PEAR1: variants seen among roughly 807,000 people sequenced by gnomAD.
PEAR1 encodes multiple EGF-like domains protein 12.
In PEAR1, 113 loss-of-function variants were observed where a neutral mutation model predicts 131.2. The observed-to-expected ratio is 0.86, with a 90% confidence interval of 0.74 to 1.01. PEAR1 has a LOEUF of 1.01. PEAR1 is among the 50% of genes least tolerant of loss of function. The probability of loss-of-function intolerance (pLI) is 0.00; values close to 1 mark genes in which losing one functional copy is unlikely to be tolerated. For missense variants in PEAR1, 1,408 were observed against 1,391.1 expected, an observed-to-expected ratio of 1.01 and a Z score of -0.19; for synonymous variants, 565 against 523.3, an observed-to-expected ratio of 1.08 and a Z score of -1.09.
In PEAR1 at chr1:156,913,205, A is replaced by T. The variant is rs1324242614; in HGVS notation, c.2434A>T (p.Ser812Cys). The T allele has an allele frequency of 6.2e-7, 1 of 1,613,618 alleles. No individual in the cohort carries two copies. Among genetic ancestry groups the T allele is most frequent in the East Asian group, 2.2e-5 (1 of 44,876 alleles). ...TGTCTGTCATGCAGATGTCCCTCCG[A>T]GCTACAGTCACTACTACTCCAACCC... ...SEYVMPDVPPSYSHYYSNPSY... is the reference protein window; with the variant it reads ...SEYVMPDVPPCYSHYYSNPSY... The change falls in exon 19 of 23, where the codon AGC (serine) becomes TGC (cysteine). Residue 812 changes from serine (S) to cysteine (C), a missense_variant. Ser to Cys is a moderately radical substitution (Grantham distance 112, BLOSUM62 -1). Transcript: ENST00000292357.
intron 1 of PEAR1, among the ~76,000 whole-genome samples, chr1:156,898,924 GA>G (rs1386484923): frequency 6.6e-6 from 1 of 152,204 alleles, no homozygotes; most frequent in African/African-American, 2.4e-5. Context: ...AGGGGATGGG[GA>G]AAGGCAGATA....
rs150955734 is a variant in PEAR1 at position 156,912,835 on chromosome 1, A to G, written c.2275A>G (p.Ile759Val). 4.6e-5 allele frequency: 75 copies of G among 1,614,200 alleles called. No homozygotes were observed. In the African/African-American group the frequency reaches 9.2e-4, roughly 20 times the overall value. The change falls in exon 18 of 23, where the codon ATT (isoleucine) becomes GTT (valine). Residue 759 changes from isoleucine (I) to valine (V), a missense_variant. Coordinates refer to ENST00000292357, the MANE Select transcript of PEAR1 (RefSeq NM_001080471.3). ...AGCGTATAACTCGCTGGGTGCAGTG[A>G]TTGGCATTGCAGTGCTGGGGTCCCT... ...PVAYNSLGAV[I>V]GIAVLGSLVV...
In PEAR1 at chr1:156,909,131, C is replaced by A. The variant is rs1436151452; in HGVS notation, c.1411+95C>A. On this transcript the variant is annotated intron_variant, in intron 11 of 22. Coordinates refer to ENST00000292357, the MANE Select transcript of PEAR1 (RefSeq NM_001080471.3). ...TATGGGTGGGCCAAGGGCAGGGGAG[C>A]GGCTGCAGGGTAAGGGTGGAGGGGC... 3.9e-6 allele frequency: 6 copies of A among 1,533,702 alleles called. No homozygotes were observed. In the African/African-American group the frequency reaches 4.1e-5, roughly 10 times the overall value.
chr1:156,896,510 G>T (rs138121411), intron 1 of PEAR1, among the ~76,000 whole-genome samples: 1 of 152,366 alleles, frequency 6.6e-6, no homozygotes, highest in Non-Finnish European at 1.5e-5. Context: ...GTTGGGACTG[G>T]CACTGGCGAC....
Position 156,907,632 on chromosome 1 carries a change from G to A in PEAR1, c.667G>A (p.Gly223Ser), listed in dbSNP as rs1169150312. The change falls in exon 7 of 23, where the codon GGC (glycine) becomes AGC (serine). Residue 223 changes from glycine (G) to serine (S), a missense_variant. Physicochemically the swap from Gly to Ser is moderately conservative, Grantham distance 56. Transcript: ENST00000292357. ...GPSCDVSCSQ[G>S]TSGFFCPSTH... ...CAGCTGTGACGTGTCCTGTTCCCAGGGCACTTCTGGCTTCTTCTGCCCCAG... is the reference window on the plus strand; with the variant it reads ...CAGCTGTGACGTGTCCTGTTCCCAGAGCACTTCTGGCTTCTTCTGCCCCAG... 3 of 1,613,684 alleles carry A rather than the reference G, an allele frequency of 1.9e-6. No individual in the cohort carries two copies. Among genetic ancestry groups the A allele is most frequent in the Admixed American group, 3.3e-5 (2 of 59,966 alleles).
In PEAR1 at chr1:156,905,086, G is replaced by A. The variant is rs561675272; in HGVS notation, c.206+234G>A. On this transcript the variant is annotated intron_variant, in intron 3 of 22. Coordinates refer to ENST00000292357, the MANE Select transcript of PEAR1 (RefSeq NM_001080471.3). ...TACAGTATATGCCTGTGGGGTTGGG[G>A]GGGGGGCAAGAAGGGAATGCTCTTT... The A allele has an allele frequency of 1.4e-4, 193 of 1,365,338 alleles. 3 individuals carry two copies. The highest frequency in any genetic ancestry group is 2.6e-4 in the Admixed American group (13 of 49,746). The allele number at this position is 1,365,338 out of a possible 1,614,324, so 84.6% of individuals were successfully genotyped here. A position where few individuals can be genotyped will look rare whatever the true frequency, so the allele number is the denominator to read the frequency against.
At position 156,899,549 on chromosome 1, in the gene PEAR1, A is replaced by G. The variant is rs566878293; in HGVS notation, c.-9-4369A>G. 3.3e-5 allele frequency among the ~76,000 whole-genome samples: 5 copies of G among 152,290 alleles called. No individual in the cohort carries two copies. The East Asian group carries it at 7.7e-4, about 23-fold the overall frequency. On this transcript the variant is annotated intron_variant, in intron 1 of 22. Coordinates refer to ENST00000292357, the MANE Select transcript of PEAR1 (RefSeq NM_001080471.3). Reference sequence around the variant, plus strand: ...TCCTGGGGGTTCTTCAGAAAAAACAAGAAGGTTTTTCCTGGAATTAATACC... The same window carrying G: ...TCCTGGGGGTTCTTCAGAAAAAACAGGAAGGTTTTTCCTGGAATTAATACC...
intron 14 of PEAR1, 29 bp from the exon 15 acceptor site, chr1:156,910,589 C>A: frequency 6.2e-7 from 1 of 1,611,826 alleles, no homozygotes; most frequent in Non-Finnish European, 8.5e-7. Context: ...GGCCTCTGCC[C>A]CCAATCACCA....
rs1336981942 is a variant in PEAR1 at position 156,908,874 on chromosome 1, C to A, written c.1291-42C>A. 2.5e-6 allele frequency: 4 copies of A among 1,608,850 alleles called. No individual in the cohort carries two copies. The highest frequency in any genetic ancestry group is 3.4e-6 in the Non-Finnish European group (4 of 1,179,030). On this transcript the variant is annotated intron_variant, in intron 10 of 22. Transcript: ENST00000292357. The surrounding 1 kb of genome is among the most constrained non-coding windows in gnomAD (Gnocchi z 4.2). ...AAGGAAGCGAGGCAGGTGGAGAGGC[C>A]AAGGAATGGGCCGCCCCTCTCACCC...
rs1651761296 is a variant in PEAR1 at position 156,915,276 on chromosome 1, A to G, written c.*478A>G. On this transcript the variant is annotated 3_prime_UTR_variant, in exon 23 of 23. Coordinates refer to ENST00000292357, the MANE Select transcript of PEAR1 (RefSeq NM_001080471.3). ...ACTGGCCTCCTCCATTGATTCAGTG[A>G]ACCTTCCAATGCATGGCTCATAATT... 6.5e-6 allele frequency: 1 copy of G among 153,434 alleles called. No individual in the cohort carries two copies. The highest frequency in any genetic ancestry group is 1.5e-5 in the Non-Finnish European group (1 of 68,946). The allele number at this position is 153,434 out of a possible 1,614,324, so 9.5% of individuals were successfully genotyped here.
At chr1:156,909,561 C>G (rs957863341) in intron 11 of PEAR1, among the ~76,000 whole-genome samples, 190 bp from the exon 12 acceptor site, 1 of 152,204 alleles carries the variant, frequency 6.6e-6, no homozygotes, top group African/African-American at 2.4e-5. Context: ...TGGGGTGGTA[C>G]CTCACTGGAA....
intron 6 of PEAR1, among the ~76,000 whole-genome samples, chr1:156,907,370 G>A (rs558013948): frequency 8.5e-5 from 13 of 152,164 alleles, no homozygotes; most frequent in East Asian, 3.9e-4. Flanking sequence ...AGGTGGGGGC[G>A]CCCGAGAGGC....
In PEAR1 at chr1:156,914,741, T is replaced by C. The variant is rs771976691; in HGVS notation, c.3057T>C (p.Tyr1019=). The C allele has an allele frequency of 6.2e-7, 1 of 1,614,096 alleles. No homozygotes were observed. The highest frequency in any genetic ancestry group is 8.5e-7 in the Non-Finnish European group (1 of 1,179,958). The change falls in exon 23 of 23, where the codon TAT becomes TAC. Residue 1019 remains tyrosine (Y), a synonymous_variant. Coordinates refer to ENST00000292357, the MANE Select transcript of PEAR1 (RefSeq NM_001080471.3). The part of the protein sequence containing the change: ...SPKNSHIPGH[Y]DLPPVRHPPS... ...AGAACAGCCACATCCCTGGACATTA[T>C]GACTTGCCTCCAGTACGGCATCCCC...
rs556459308 is a variant in PEAR1, at chr1:156,905,873, C to T, written c.308-403C>T. On this transcript the variant is annotated intron_variant, in intron 4 of 22. Coordinates refer to ENST00000292357, the MANE Select transcript of PEAR1 (RefSeq NM_001080471.3). ...GCCCACTGCACCCCCCTCCCAGCACCCTGTAATGACTGGAGCCTGTCTTCC... is the reference window on the plus strand; with the variant it reads ...GCCCACTGCACCCCCCTCCCAGCACTCTGTAATGACTGGAGCCTGTCTTCC... Among the ~76,000 whole-genome samples the T allele has an allele frequency of 2.6e-5, 4 of 152,246 alleles. No individual in the cohort carries two copies. In the South Asian group the frequency reaches 8.3e-4, roughly 32 times the overall value.
intron 6 of PEAR1, among the ~76,000 whole-genome samples, 195 bp from the exon 7 acceptor site, chr1:156,907,415 C>T (rs1650456572): frequency 6.6e-6 from 1 of 152,180 alleles, no homozygotes; most frequent in Admixed American, 6.5e-5. Flanking sequence ...CTCACCCCCA[C>T]CTGCCGGTGC....
chr1:156,914,632 T>C lies in PEAR1; in HGVS notation c.2963-15T>C. 1.9e-6 allele frequency: 3 copies of C among 1,606,620 alleles called. No homozygotes were observed. Among genetic ancestry groups the C allele is most frequent in the Non-Finnish European group, 2.6e-6 (3 of 1,175,994 alleles). Reference sequence around the variant, plus strand: ...GGAGGAGCCACTCCCTCTTATCTTGTCCTCATGTTTCCAGACCGAGACTCT... The same window carrying C: ...GGAGGAGCCACTCCCTCTTATCTTGCCCTCATGTTTCCAGACCGAGACTCT... On this transcript the variant is annotated splice_polypyrimidine_tract_variant and intron_variant, in intron 22 of 22. Transcript: ENST00000292357.
chr1:156,901,646 G>T (rs567230082), intron 1 of PEAR1, among the ~76,000 whole-genome samples: 1 of 152,220 alleles, frequency 6.6e-6, no homozygotes, highest in African/African-American at 2.4e-5. Context: ...AGACTGAGCT[G>T]CAGTTGGAGC....
chr1:156,906,327 G>A lies in PEAR1; in HGVS notation c.359G>A (p.Cys120Tyr). The A allele has an allele frequency of 6.2e-7, 1 of 1,614,230 alleles. No individual in the cohort carries two copies. Among genetic ancestry groups the A allele is most frequent in the Non-Finnish European group, 8.5e-7 (1 of 1,180,038 alleles). ...VHGRCVAPNQ[C>Y]QCVPGWRGDD... ...GGCCGTTGTGTGGCACCCAATCAGT[G>A]CCAATGTGTGCCAGGCTGGCGGGGC... Residue 120 changes from cysteine (C) to tyrosine (Y), a missense_variant, in exon 5 of 23, where the codon TGC (cysteine) becomes TAC (tyrosine). Physicochemically the swap from Cys to Tyr is radical, Grantham distance 194. Coordinates refer to ENST00000292357, the MANE Select transcript of PEAR1 (RefSeq NM_001080471.3).
rs757993758 is a variant in PEAR1 at position 156,913,424 on chromosome 1, C to A, written c.2545C>A (p.Pro849Thr). 1.2e-6 allele frequency: 2 copies of A among 1,613,972 alleles called. No homozygotes were observed. Among genetic ancestry groups the A allele is most frequent in the South Asian group, 2.2e-5 (2 of 91,086 alleles). Residue 849 changes from proline to threonine, a missense_variant, in exon 20 of 23, where the codon CCT becomes ACT. By Grantham distance (38) the Pro-to-Thr change is conservative. Coordinates refer to ENST00000292357, the MANE Select transcript of PEAR1 (RefSeq NM_001080471.3). ...CCCGCTCTTTGCCAGCCTGCAGAAC[C>A]CTGAGCGGCCAGGTGGGGCCCAAGG... ...PGPLFASLQN[P>T]ERPGGAQGHD...
Sources: allele counts gnomAD v4.1 joint callset (sites outside exome capture counted in the v4.1 genomes callset), GRCh38; gene constraint gnomAD v4.1.1; non-coding constraint Gnocchi (gnomAD v3.1); transcripts MANE v1.5; gene names NCBI Gene and HGNC (gene_info 2026-07-23, HGNC 2026-07-21).